Variants in CNTNAP2 observed in about 807,000 individuals in gnomAD.
CNTNAP2 encodes contactin-associated protein-like 2.
Under a neutral mutation model 155.2 loss-of-function variants are expected in CNTNAP2, and 98 were observed. The observed-to-expected ratio is 0.63, with a 90% CI of 0.54 to 0.75. The LOEUF (loss-of-function observed/expected upper bound fraction) is 0.75. Ranked by LOEUF, CNTNAP2 falls within the 30% of genes least tolerant of loss-of-function variation. CNTNAP2 has a pLI of 0.00. For synonymous variants in CNTNAP2, 651 were observed against 631.2 expected (o/e 1.03, Z -0.47); for missense variants, 1,727 against 1,688.1 (o/e 1.02, Z -0.40).
rs201676530 is a variant in CNTNAP2 at position 146,140,259 on chromosome 7, AG to A, written c.97+23287del. ...TGTTTTCAAGAGTAGATAAAGAAGT[AG>A]TAGGGTTCTTGCACAGTCCCAGGGT... On this transcript the variant is annotated intron_variant, in intron 1 of 23. Transcript: ENST00000361727. 8.2e-4 allele frequency among the ~76,000 whole-genome samples: 125 copies of A among 152,266 alleles called. 1 individual carries two copies. The East Asian group carries it at 0.021, about 25-fold the overall frequency.
intron 1 of CNTNAP2, among the ~76,000 whole-genome samples, chr7:146,220,001 G>A (rs139990428): frequency 6.6e-6 from 1 of 152,202 alleles, no homozygotes; most frequent in Non-Finnish European, 1.5e-5. Context: ...AGTTGCCACA[G>A]GTGATGACAC....
chr7:147,203,795 G>A (rs1179302612), intron 8 of CNTNAP2, among the ~76,000 whole-genome samples: 1 of 152,080 alleles, frequency 6.6e-6, no homozygotes, highest in Non-Finnish European at 1.5e-5. Context: ...ACCTGACACT[G>A]ATAGTTGCAA....
At chr7:147,335,636 G>A (rs1024631914) in intron 9 of CNTNAP2, among the ~76,000 whole-genome samples, 9 of 152,056 alleles carry the variant, frequency 5.9e-5, no homozygotes, top group African/African-American at 1.4e-4. Flanking sequence ...GAAATCTTGC[G>A]ATCAAAGCCA....
chr7:146,550,680 A>T (rs756553864), intron 1 of CNTNAP2, among the ~76,000 whole-genome samples: 3 of 152,160 alleles, frequency 2.0e-5, no homozygotes, highest in Middle Eastern at 3.4e-3. Context: ...AAGTATTAAG[A>T]CGTTTTATAT....
intron 1 of CNTNAP2, among the ~76,000 whole-genome samples, chr7:146,529,965 A>AAACAACAAC (rs59533423): frequency 0.052 from 7,852 of 150,576 alleles, 655 homozygotes; most frequent in African/African-American, 0.17. Context: ...CTCCGTCTCA[A>AAACAACAAC]AACAACAACA....
At chr7:147,495,760 G>A (rs7779464) in intron 11 of CNTNAP2, among the ~76,000 whole-genome samples, 22,768 of 152,032 alleles carry the variant, frequency 0.15, 1,837 homozygotes, top group East Asian at 0.29. Context: ...TTTTTAAATC[G>A]TGAAACAACT....
chr7:146,791,932 T>C (rs1039602652), intron 2 of CNTNAP2, among the ~76,000 whole-genome samples: 2 of 152,226 alleles, frequency 1.3e-5, no homozygotes, highest in African/African-American at 4.8e-5. Flanking sequence ...GAATCCCCCC[T>C]ACTATTTTTT....
At chr7:147,896,517 G>A (rs1002145094) in intron 13 of CNTNAP2, among the ~76,000 whole-genome samples, 33 of 152,216 alleles carry the variant, frequency 2.2e-4, no homozygotes, top group Admixed American at 1.7e-3. Flanking sequence ...TTGGCGGGTC[G>A]GGGGGAAGCC....
At chr7:146,490,867 C>T (rs1203171617) in intron 1 of CNTNAP2, among the ~76,000 whole-genome samples, 4 of 152,086 alleles carry the variant, frequency 2.6e-5, no homozygotes, top group Non-Finnish European at 5.9e-5. Context: ...GAATGTAGTA[C>T]TGATAAATGG....
intron 2 of CNTNAP2, among the ~76,000 whole-genome samples, chr7:146,833,240 A>G (rs567276178): frequency 6.6e-6 from 1 of 152,108 alleles, no homozygotes; most frequent in Non-Finnish European, 1.5e-5. Flanking sequence ...CTCAATTGCT[A>G]TTACTTATGG....
intron 13 of CNTNAP2, among the ~76,000 whole-genome samples, chr7:147,771,286 A>G (rs1473316699): frequency 1.3e-5 from 2 of 152,240 alleles, no homozygotes; most frequent in Admixed American, 1.3e-4. Flanking sequence ...ACCTCAGGTT[A>G]GAACATACTT....
At position 147,395,382 on chromosome 7, in the gene CNTNAP2, G is replaced by T. The variant is rs533591021; in HGVS notation, c.1499-227G>T. Reference sequence around the variant, plus strand: ...ATTTGAGTGACAGTAGACCCCAGAGGCAAACATTTACCTGGTAACCCATTA... The same window carrying T: ...ATTTGAGTGACAGTAGACCCCAGAGTCAAACATTTACCTGGTAACCCATTA... On this transcript the variant is annotated intron_variant, in intron 9 of 23. Transcript: ENST00000361727. Among the ~76,000 whole-genome samples, 57 of 152,056 alleles carry T rather than the reference G, an allele frequency of 3.7e-4. 1 individual carries two copies. Among genetic ancestry groups the T allele is most frequent in the African/African-American group, 1.3e-3 (55 of 41,516 alleles).
chr7:148,285,205 T>A (rs754423584), intron 21 of CNTNAP2, among the ~76,000 whole-genome samples: 7 of 152,246 alleles, frequency 4.6e-5, no homozygotes, highest in Non-Finnish European at 2.9e-5. Context: ...CTCTGTGGTC[T>A]AAGTAAGAAT....
In CNTNAP2 at chr7:146,186,044, C is replaced by T. The variant is rs910362145; in HGVS notation, c.97+69071C>T. Among the ~76,000 whole-genome samples, 28 of 151,892 alleles carry T rather than the reference C, an allele frequency of 1.8e-4. No individual in the cohort carries two copies. In the South Asian group the frequency reaches 2.5e-3, roughly 14 times the overall value. On this transcript the variant is annotated intron_variant, in intron 1 of 23. Transcript: ENST00000361727. ...GTTTGGCAATTGCTGACAATTATTG[C>T]GTAATAGATGTGTCAGTGCATACAG...
chr7:147,298,038 A>T (rs910955311), intron 8 of CNTNAP2, among the ~76,000 whole-genome samples: 12 of 152,192 alleles, frequency 7.9e-5, no homozygotes, highest in African/African-American at 2.7e-4. Flanking sequence ...CTATTTATAC[A>T]TATATTCACT....
chr7:146,597,613 G>A (rs974993664), intron 1 of CNTNAP2, among the ~76,000 whole-genome samples: 5 of 151,848 alleles, frequency 3.3e-5, no homozygotes, highest in Non-Finnish European at 7.4e-5. Context: ...GTTATATTTA[G>A]CAATGTTATT....
intron 21 of CNTNAP2, among the ~76,000 whole-genome samples, chr7:148,323,187 A>C (rs2116540276): frequency 6.6e-6 from 1 of 152,112 alleles, no homozygotes; most frequent in South Asian, 2.1e-4. Context: ...GTCCAAGTTC[A>C]CATAGCTAGC....
chr7:148,390,366 G>T (rs1472447744), intron 22 of CNTNAP2, among the ~76,000 whole-genome samples: 2 of 152,174 alleles, frequency 1.3e-5, no homozygotes, highest in Non-Finnish European at 2.9e-5. Flanking sequence ...TCATTATGAG[G>T]AAGATGTGAA....
At chr7:147,758,753 G>A (rs546027595) in intron 13 of CNTNAP2, among the ~76,000 whole-genome samples, 2 of 152,242 alleles carry the variant, frequency 1.3e-5, no homozygotes, top group Admixed American at 6.5e-5. Context: ...GCTGAGGTGA[G>A]AGGATCACTT....
Sources: allele counts gnomAD v4.1 joint callset (sites outside exome capture counted in the v4.1 genomes callset), GRCh38; gene constraint gnomAD v4.1.1; transcripts MANE v1.5; gene names NCBI Gene and HGNC (gene_info 2026-07-23, HGNC 2026-07-21).